DOCK11: variants seen among roughly 807,000 people sequenced by gnomAD.
The protein encoded by DOCK11 is dedicator of cytokinesis 11.
A neutral mutation model predicts 169.1 loss-of-function variants in DOCK11; 70 were observed. The observed-to-expected ratio is 0.41, with a 90% CI of 0.34 to 0.51. The LOEUF (loss-of-function observed/expected upper bound fraction) is 0.51. DOCK11 is among the 20% of genes least tolerant of loss of function. The pLI, the probability that DOCK11 is intolerant of heterozygous loss-of-function variation, is 0.10. For synonymous variants in DOCK11, 529 were observed against 541.3 expected (o/e 0.98, Z 0.32); for missense variants, 1,166 against 1,538.8 (o/e 0.76, Z 4.05).
At chrX:118,628,097 A>G in intron 33 of DOCK11, 66 bp from the exon 34 acceptor site, 1 of 679,024 alleles carries the variant, frequency 1.5e-6, no homozygotes, top group Non-Finnish European at 2.3e-6. Context: ...TTAGTTCCGT[A>G]CTTTTTAAAT....
At chrX:118,572,190 A>G in intron 10 of DOCK11, 133 bp from the exon 11 acceptor site, 1 of 534,191 alleles carries the variant, frequency 1.9e-6, no homozygotes, top group Non-Finnish European at 2.9e-6. Context: ...AGCTTGTTAG[A>G]TGAAAACATA....
At chrX:118,653,327 A>G (rs183012354) in intron 42 of DOCK11, among the ~76,000 whole-genome samples, 1 of 112,013 alleles carries the variant, frequency 8.9e-6, no homozygotes, top group East Asian at 2.8e-4. Context: ...TGGGATCTCT[A>G]TTAATGTATA....
chrX:118,537,884 AT>A (rs1289423582), intron 1 of DOCK11, among the ~76,000 whole-genome samples: 1 of 111,542 alleles, frequency 9.0e-6, no homozygotes, highest in Non-Finnish European at 1.9e-5. Context: ...TAGAAATAAA[AT>A]TATCTCAATT....
At chrX:118,590,402 G>T in intron 19 of DOCK11, 100 bp downstream of exon 19, 1 of 707,271 alleles carries the variant, frequency 1.4e-6, no homozygotes, top group Non-Finnish European at 2.1e-6. Context: ...CAATCCCTGA[G>T]TGTTTTGTTC....
chrX:118,670,101 C>T (rs766260448), intron 45 of DOCK11, among the ~76,000 whole-genome samples: 1 of 111,938 alleles, frequency 8.9e-6, no homozygotes, highest in African/African-American at 3.2e-5. Flanking sequence ...TTAGGAGACA[C>T]AATTCAACCC....
intron 14 of DOCK11, among the ~76,000 whole-genome samples, chrX:118,583,076 C>T (rs1228265563): frequency 8.9e-6 from 1 of 112,148 alleles, no homozygotes; most frequent in Non-Finnish European, 1.9e-5. Context: ...GGCACATATA[C>T]ACCATGGAAT....
chrX:118,580,073 C>T, intron 13 of DOCK11, 24 bp from the exon 14 acceptor site: 1 of 1,186,656 alleles, frequency 8.4e-7, no homozygotes, highest in East Asian at 3.0e-5. Context: ...AAATACAAGC[C>T]TATCTTCTTG....
chrX:118,663,472 A>C (rs1314560011), intron 45 of DOCK11, among the ~76,000 whole-genome samples: 2 of 111,163 alleles, frequency 1.8e-5, no homozygotes, highest in Non-Finnish European at 3.8e-5. Flanking sequence ...CCCTGAAGGC[A>C]TCCTAAGAGA....
intron 20 of DOCK11, among the ~76,000 whole-genome samples, chrX:118,595,478 C>G (rs1248203471): frequency 1.8e-5 from 2 of 111,394 alleles, no homozygotes; most frequent in Non-Finnish European, 3.8e-5. Context: ...TGAGGGAGTT[C>G]CCTTTGCAGG....
Position 118,685,723 on chromosome X carries a change from G to A in DOCK11, c.6138G>A (p.Met2046Ile). 8.3e-7 allele frequency: 1 copy of A among 1,210,642 alleles called. No individual in the cohort carries two copies. The highest frequency in any genetic ancestry group is 1.1e-6 in the Non-Finnish European group (1 of 894,701). Residue 2046 changes from methionine (M) to isoleucine (I), a missense_variant, in exon 53 of 53, where the codon ATG (methionine) becomes ATA (isoleucine). Physicochemically the swap from Met to Ile is conservative, Grantham distance 10 (BLOSUM62 1). Coordinates refer to ENST00000276202, the MANE Select transcript of DOCK11 (RefSeq NM_144658.4). ...LQEDTMHSPW[M>I]SNTLHVFCAI... ...AAGACACAATGCATTCTCCCTGGATGAGCAACACATTACATGTATTTTGTG... is the reference window on the plus strand; with the variant it reads ...AAGACACAATGCATTCTCCCTGGATAAGCAACACATTACATGTATTTTGTG...
chrX:118,658,278 T>C lies in DOCK11; in HGVS notation c.4969+3317T>C, dbSNP rs748303834. Among the ~76,000 whole-genome samples the C allele has an allele frequency of 2.7e-5, 3 of 112,772 alleles. No individual in the cohort carries two copies. In the East Asian group the frequency reaches 8.3e-4, roughly 31 times the overall value. ...GCCAAAAATGTTTTGTTTTCTCTAA[T>C]TCCTAACCAGTTTCTCTTGAAGTAC... is the stretch of plus-strand genomic sequence containing the variant. On this transcript the variant is annotated intron_variant, in intron 44 of 52. Coordinates refer to ENST00000276202, the MANE Select transcript of DOCK11 (RefSeq NM_144658.4).
chrX:118,519,117 G>T (rs1296143207), intron 1 of DOCK11, among the ~76,000 whole-genome samples: 2 of 111,968 alleles, frequency 1.8e-5, no homozygotes, highest in East Asian at 5.6e-4. Flanking sequence ...TGCATTCCCA[G>T]CTCTCTTGCT....
At chrX:118,607,018 TTCCTTTCCTTTCCTTC>T (rs1191828314) in intron 24 of DOCK11, among the ~76,000 whole-genome samples, 10 of 109,632 alleles carry the variant, frequency 9.1e-5, no homozygotes, top group East Asian at 5.7e-4. Context: ...TGCGTCTTTA[TTCCTTTCCTTTCCTTC>T]TCCTTTCCTT....
Position 118,681,078 on chromosome X carries a change from G to C in DOCK11, c.5692G>C (p.Val1898Leu), listed in dbSNP as rs777195913. The change falls in exon 50 of 53, where the codon GTG (valine) becomes CTG (leucine). Residue 1898 changes from valine to leucine, a missense_variant. Transcript: ENST00000276202. ...AATAGCTTCAAACTCGTTTCCTTACGTGAAGAAGAGGATTCCTATTAACTG... is the reference window on the plus strand; with the variant it reads ...AATAGCTTCAAACTCGTTTCCTTACCTGAAGAAGAGGATTCCTATTAACTG... ...ILTTSNSFPY[V>L]KKRIPINCEQ... is the part of the protein sequence containing the mutation. 6.0e-6 allele frequency: 7 copies of C among 1,173,634 alleles called. No homozygotes were observed. The highest frequency in any genetic ancestry group is 8.0e-6 in the Non-Finnish European group (7 of 878,257).
intron 52 of DOCK11, chrX:118,685,437 A>G: frequency 3.6e-6 from 1 of 279,516 alleles, no homozygotes; most frequent in Non-Finnish European, 6.2e-6. Flanking sequence ...TTTTTATTGA[A>G]TTTTGCATTT....
chrX:118,531,007 A>G (rs745925612), intron 1 of DOCK11, among the ~76,000 whole-genome samples: 8 of 112,096 alleles, frequency 7.1e-5, no homozygotes, highest in Non-Finnish European at 1.3e-4. Context: ...GGTCTGTGAA[A>G]TATATGGCTA....
chrX:118,644,375 A>G (rs1233976201), intron 40 of DOCK11, among the ~76,000 whole-genome samples: 6 of 112,129 alleles, frequency 5.4e-5, no homozygotes, highest in Non-Finnish European at 1.1e-4. Context: ...ATTGTGTTTA[A>G]TAGATACAGA....
chrX:118,560,642 C>A (rs2012875478), intron 6 of DOCK11, among the ~76,000 whole-genome samples: 1 of 111,960 alleles, frequency 8.9e-6, no homozygotes, highest in Non-Finnish European at 1.9e-5. Flanking sequence ...CCTCTTTTAT[C>A]AGACTGTCAA....
At chrX:118,563,819 C>G (rs2012989179) in intron 7 of DOCK11, among the ~76,000 whole-genome samples, 1 of 108,907 alleles carries the variant, frequency 9.2e-6, no homozygotes, top group Non-Finnish European at 1.9e-5. Context: ...AGGCGATTCT[C>G]CTGCCTAGAG....
Sources: gnomAD v4.1 joint callset for allele counts (sites outside exome capture counted in the v4.1 genomes callset) on GRCh38, gnomAD v4.1.1 for gene constraint, MANE v1.5 for transcripts, NCBI Gene and HGNC (gene_info 2026-07-23, HGNC 2026-07-21) for gene names.